Variants in PPL observed in about 807,000 individuals in gnomAD.
PPL encodes periplakin, also known as 190 kDa paraneoplastic pemphigus antigen.
PPL carries 198 observed loss-of-function variants against 194.4 expected under a neutral mutation model. That is an observed-to-expected ratio of 1.02 (90% CI 0.91 to 1.15). The LOEUF (loss-of-function observed/expected upper bound fraction) is 1.15, where lower values mean the gene tolerates loss of function less well. Ranked by LOEUF, PPL falls within the 50% of genes most tolerant of loss-of-function variation. The probability of loss-of-function intolerance (pLI) is 0.00; values close to 1 mark genes in which losing one functional copy is unlikely to be tolerated. For synonymous variants in PPL, 1,220 were observed against 972.4 expected (o/e 1.25, Z -4.74); for missense variants, 2,885 against 2,294.8 (o/e 1.26, Z -5.25).
intron 1 of PPL, among the ~76,000 whole-genome samples, chr16:4,926,735 C>A (rs1235286755): frequency 6.6e-6 from 1 of 151,868 alleles, no homozygotes; most frequent in Non-Finnish European, 1.5e-5. Context: ...CAAAAATAGC[C>A]GGGCGTGGTG....
At chr16:4,912,396 G>T (rs756906125) in intron 1 of PPL, among the ~76,000 whole-genome samples, 4 of 152,156 alleles carry the variant, frequency 2.6e-5, no homozygotes, top group Non-Finnish European at 5.9e-5. Context: ...TCTTTTTATG[G>T]CTGAATAATA....
rs1471450315 is a variant in PPL at position 4,883,184 on chromosome 16, A to G, written c.*200T>C. The G allele has an allele frequency of 1.1e-5, 7 of 638,634 alleles. No homozygotes were observed. The highest frequency in any genetic ancestry group is 1.9e-5 in the Non-Finnish European group (7 of 374,618). 39.6% of individuals were successfully genotyped at this position (638,634 alleles called of 1,614,324 possible). ...GGATGAAGTACGTCACTCAGGGTGAATGATGGTTGGGACGAGAGTTGCCTG... is the reference window on the plus strand; with the variant it reads ...GGATGAAGTACGTCACTCAGGGTGAGTGATGGTTGGGACGAGAGTTGCCTG... On this transcript the variant is annotated 3_prime_UTR_variant, in exon 22 of 22. Coordinates refer to ENST00000345988, the MANE Select transcript of PPL (RefSeq NM_002705.5). The surrounding 1 kb of genome is among the most constrained non-coding windows in gnomAD (Gnocchi z 4.8).
chr16:4,888,837 G>C (rs542199527), intron 19 of PPL, 141 bp downstream of exon 19: 1 of 790,184 alleles, frequency 1.3e-6, no homozygotes, highest in South Asian at 1.5e-5. Context: ...GCCTGTGCCA[G>C]TTTGCACAGC....
intron 1 of PPL, among the ~76,000 whole-genome samples, chr16:4,920,865 A>G (rs557840192): frequency 6.6e-6 from 1 of 152,142 alleles, no homozygotes; most frequent in Non-Finnish European, 1.5e-5. Flanking sequence ...GGCCTCCTAA[A>G]GTACAGGGAT....
chr16:4,915,751 C>A (rs1351610201), intron 1 of PPL, among the ~76,000 whole-genome samples: 1 of 152,192 alleles, frequency 6.6e-6, no homozygotes, highest in East Asian at 1.9e-4. Flanking sequence ...CTGTTTCTGA[C>A]TCAATCTTCA....
In PPL at chr16:4,901,187, C is replaced by T. The variant is rs78570118; in HGVS notation, c.439-98G>A. 1.5e-3 allele frequency: 2,089 copies of T among 1,357,120 alleles called. 20 individuals carry two copies. In the African/African-American group the frequency reaches 0.027, roughly 17 times the overall value. The allele number at this position is 1,357,120 out of a possible 1,614,324, so 84.1% of individuals were successfully genotyped here. A position where few individuals can be genotyped will look rare whatever the true frequency, so the allele number is the denominator to read the frequency against. Reference sequence around the variant, plus strand: ...CCTCGGGGGTGGGCATGATGGTGCTCTCTTTTTCACGGGGCCCTGCAGAGC... The same window carrying T: ...CCTCGGGGGTGGGCATGATGGTGCTTTCTTTTTCACGGGGCCCTGCAGAGC... On this transcript the variant is annotated intron_variant, in intron 4 of 21. Transcript: ENST00000345988.
At chr16:4,909,442 TTTTTGA>T (rs1328657121) in intron 2 of PPL, among the ~76,000 whole-genome samples, 1 of 142,504 alleles carries the variant, frequency 7.0e-6, no homozygotes, top group Non-Finnish European at 1.5e-5. Flanking sequence ...TTTTTTTTTT[TTTTTGA>T]GACAGTCTTA....
intron 19 of PPL, 108 bp from the exon 20 acceptor site, chr16:4,888,326 T>C: frequency 1.3e-6 from 1 of 751,446 alleles, no homozygotes; most frequent in Non-Finnish European, 2.3e-6. Flanking sequence ...TGCCATGTGC[T>C]GGTTTTATAA....
At chr16:4,900,727 G>GC in intron 6 of PPL, 103 bp downstream of exon 6, 1 of 1,512,526 alleles carries the variant, frequency 6.6e-7, no homozygotes. Context: ...ACCATGCCCA[G>GC]CTGCCTATGT....
At chr16:4,922,488 C>A (rs1030843939) in intron 1 of PPL, among the ~76,000 whole-genome samples, 4 of 152,244 alleles carry the variant, frequency 2.6e-5, no homozygotes, top group African/African-American at 9.6e-5. Flanking sequence ...ATAGTGAAAC[C>A]CTGTCTCTAC....
At chr16:4,931,793 C>A (rs1004499838) in intron 1 of PPL, among the ~76,000 whole-genome samples, 1 of 152,200 alleles carries the variant, frequency 6.6e-6, no homozygotes, top group African/African-American at 2.4e-5. Flanking sequence ...AGCTGAGTCT[C>A]TCCCCCAAAA....
intron 2 of PPL, among the ~76,000 whole-genome samples, chr16:4,904,931 T>C (rs1025665858): frequency 6.6e-6 from 1 of 152,148 alleles, no homozygotes; most frequent in Admixed American, 6.5e-5. Context: ...AGTACAGGGC[T>C]TCTGTTCGTT....
rs57327806 is a variant in PPL at position 4,887,273 on chromosome 16, C to T, written c.2515-46G>A. 2,147 of 1,402,220 alleles carry T rather than the reference C, an allele frequency of 1.5e-3. 19 individuals carry two copies. In the African/African-American group the frequency reaches 0.027, roughly 17 times the overall value. 86.9% of individuals were successfully genotyped at this position (1,402,220 alleles called of 1,614,324 possible). On this transcript the variant is annotated intron_variant, in intron 20 of 21. Transcript: ENST00000345988. ...AGAGCGGTCAACAAACAGGTGTCAACAGGGTAAGCAACAGAGAGCTAGACA... is the reference window on the plus strand; with the variant it reads ...AGAGCGGTCAACAAACAGGTGTCAATAGGGTAAGCAACAGAGAGCTAGACA...
intron 1 of PPL, among the ~76,000 whole-genome samples, chr16:4,930,156 T>A (rs1269780614): frequency 6.6e-6 from 1 of 152,226 alleles, no homozygotes; most frequent in African/African-American, 2.4e-5. Context: ...CACATCCCCG[T>A]CACCTTCTGT....
intron 1 of PPL, among the ~76,000 whole-genome samples, chr16:4,922,795 G>A (rs1389818264): frequency 1.3e-5 from 2 of 152,230 alleles, no homozygotes; most frequent in Non-Finnish European, 2.9e-5. Flanking sequence ...TGATCCTGGT[G>A]CAAGCCCAGA....
At chr16:4,900,419 A>C (rs891270442) in intron 6 of PPL, among the ~76,000 whole-genome samples, 2 of 125,150 alleles carry the variant, frequency 1.6e-5, no homozygotes, top group South Asian at 2.6e-4. Flanking sequence ...CCTGATTGAA[A>C]CGTTTACTGC....
At chr16:4,918,645 G>A (rs1419285659) in intron 1 of PPL, among the ~76,000 whole-genome samples, 2 of 152,150 alleles carry the variant, frequency 1.3e-5, no homozygotes, top group Admixed American at 6.6e-5. Context: ...TCCATCATTT[G>A]GCCACAGTTC....
chr16:4,894,400 T>C (rs1445183854), intron 12 of PPL, 67 bp downstream of exon 12: 3 of 1,570,524 alleles, frequency 1.9e-6, no homozygotes, highest in South Asian at 2.3e-5. Context: ...CCCGGGGCTA[T>C]GAATGGGGCC....
At position 4,892,135 on chromosome 16, in the gene PPL, G is replaced by C. The variant is rs147064306; in HGVS notation, c.1729C>G (p.Leu577Val). The C allele has an allele frequency of 3.1e-6, 5 of 1,613,706 alleles. No homozygotes were observed. The African/African-American group carries it at 6.7e-5, about 22-fold the overall frequency. The stretch of plus-strand genomic sequence containing the variant: ...AGGGGTGTGGTGCCACTGCCTGGGA[G>C]GGCCTGGATGAAGGCTTCGCCCTCA... ...TAEGEAFIQA[L>V]PGSGTTPLLR... Residue 577 changes from leucine to valine, a missense_variant, in exon 15 of 22, where the codon CTC becomes GTC. Physicochemically the swap from Leu to Val is conservative, Grantham distance 32. Coordinates refer to ENST00000345988, the MANE Select transcript of PPL (RefSeq NM_002705.5).
Sources: gnomAD v4.1 joint callset for allele counts (sites outside exome capture counted in the v4.1 genomes callset) on GRCh38, gnomAD v4.1.1 for gene constraint, Gnocchi (gnomAD v3.1) non-coding constraint, MANE v1.5 for transcripts, NCBI Gene and HGNC (gene_info 2026-07-23, HGNC 2026-07-21) for gene names.